Variants in PRMT7 observed in about 807,000 individuals in gnomAD.
The protein encoded by PRMT7 is protein arginine methyltransferase 7.
PRMT7 carries 75 observed loss-of-function variants against 85.4 expected under a neutral mutation model. That is an observed-to-expected ratio of 0.88 (90% CI 0.73 to 1.06). PRMT7 has a LOEUF of 1.06. Ranked by LOEUF, PRMT7 falls within the 50% of genes least tolerant of loss-of-function variation. The pLI is 0.00. For missense variants in PRMT7, 868 were observed against 915.2 expected (o/e 0.95, Z 0.67); for synonymous variants, 397 against 359.5 (o/e 1.10, Z -1.18).
intron 18 of PRMT7, 73 bp downstream of exon 18, chr16:68,356,870 C>A: frequency 6.9e-7 from 1 of 1,451,314 alleles, no homozygotes; most frequent in Non-Finnish European, 9.4e-7. Context: ...GGCCTCCCTG[C>A]CCCCATGCTC....
intron 18 of PRMT7, 77 bp from the exon 19 acceptor site, chr16:68,356,977 C>T (rs1004308573): frequency 1.3e-6 from 2 of 1,493,444 alleles, no homozygotes; most frequent in South Asian, 1.3e-5. Flanking sequence ...CTGCGAGCTG[C>T]CTGGGCTGGA....
At chr16:68,315,641 C>G in intron 2 of PRMT7, 1 of 307,766 alleles carries the variant, frequency 3.2e-6, no homozygotes, top group South Asian at 2.8e-5. Context: ...CTGAAGTTTC[C>G]AGACATCTGT....
chr16:68,316,184 A>G, intron 3 of PRMT7, 110 bp downstream of exon 3: 1 of 947,104 alleles, frequency 1.1e-6, no homozygotes, highest in Non-Finnish European at 1.7e-6. Context: ...AGTGCTTATG[A>G]TGAGGGCTGG....
At chr16:68,338,513 GGA>G (rs1333225429) in intron 7 of PRMT7, among the ~76,000 whole-genome samples, 1 of 152,078 alleles carries the variant, frequency 6.6e-6, no homozygotes, top group Non-Finnish European at 1.5e-5. Flanking sequence ...AGGTCACTGT[GGA>G]GAGTGTGGAG....
rs760854347 is a variant in PRMT7 at position 68,346,266 on chromosome 16, C to G, written c.1177C>G (p.Gln393Glu). 5 of 1,614,108 alleles carry G rather than the reference C, an allele frequency of 3.1e-6. No individual in the cohort carries two copies. The Admixed American group carries it at 8.3e-5, about 27-fold the overall frequency. ...NDQDRTDRYV[Q>E]ALRTVLKPDS... ...CCAGGACAGAACTGATCGATACGTCCAGGCTCTGAGGACCGTAAGTGTCCA... is the reference window on the plus strand; with the variant it reads ...CCAGGACAGAACTGATCGATACGTCGAGGCTCTGAGGACCGTAAGTGTCCA... The change falls in exon 11 of 19, where the codon CAG (glutamine) becomes GAG (glutamate). Residue 393 changes from glutamine (Q) to glutamate (E), a missense_variant. Gln to Glu is a conservative substitution (Grantham distance 29). Transcript: ENST00000441236.
At chr16:68,347,402 T>C (rs1375794596) in intron 12 of PRMT7, 108 bp downstream of exon 12, 1 of 1,213,452 alleles carries the variant, frequency 8.2e-7, no homozygotes, top group African/African-American at 1.5e-5. Flanking sequence ...AAGGCCACTG[T>C]TGTGGGCACA....
At chr16:68,319,435 C>T (rs1482504162) in intron 3 of PRMT7, among the ~76,000 whole-genome samples, 3 of 151,646 alleles carry the variant, frequency 2.0e-5, no homozygotes, top group Non-Finnish European at 4.4e-5. Flanking sequence ...TGGTGGTTAC[C>T]GAGAGTGATG....
Position 68,357,316 on chromosome 16 carries a change from CTG to C in PRMT7, c.*93_*94del, listed in dbSNP as rs143311332. 34 of 1,350,718 alleles carry C rather than the reference CTG, an allele frequency of 2.5e-5. No homozygotes were observed. The highest frequency in any genetic ancestry group is 3.2e-5 in the Non-Finnish European group (32 of 987,324). 83.7% of individuals were successfully genotyped at this position (1,350,718 alleles called of 1,614,324 possible). A position where few individuals can be genotyped will look rare whatever the true frequency, so the allele number is the denominator to read the frequency against. On this transcript the variant is annotated 3_prime_UTR_variant, in exon 19 of 19. Transcript: ENST00000441236. ...AAGGCTGAAGGCCCTCCTCTCCTCT[CTG>C]GGAGCTGCTCGGCCTCAGGGATGGG... is the stretch of plus-strand genomic sequence containing the variant.
At chr16:68,346,037 G>A (rs2086306675) in intron 10 of PRMT7, 108 bp from the exon 11 acceptor site, 3 of 1,513,822 alleles carry the variant, frequency 2.0e-6, no homozygotes, top group Admixed American at 1.8e-5. Flanking sequence ...GAATTAGCGG[G>A]TGCTCTAAGC....
intron 6 of PRMT7, among the ~76,000 whole-genome samples, chr16:68,330,431 G>T (rs922984839): frequency 6.6e-6 from 1 of 151,880 alleles, no homozygotes; most frequent in Non-Finnish European, 1.5e-5. Context: ...AAGTACCTGG[G>T]ACTACAGGTG....
intron 6 of PRMT7, among the ~76,000 whole-genome samples, chr16:68,336,364 C>G (rs2084693021): frequency 6.6e-6 from 1 of 152,102 alleles, no homozygotes; most frequent in Non-Finnish European, 1.5e-5. Context: ...CCTAAAACAA[C>G]TGTTATTTAA....
chr16:68,317,702 A>G (rs1465249711), intron 3 of PRMT7, among the ~76,000 whole-genome samples: 1 of 151,606 alleles, frequency 6.6e-6, no homozygotes, highest in African/African-American at 2.4e-5. Context: ...TGGCGCATGC[A>G]TGCCTGTAAT....
intron 2 of PRMT7, among the ~76,000 whole-genome samples, chr16:68,312,458 G>A (rs1157430209): frequency 6.6e-6 from 1 of 151,900 alleles, no homozygotes; most frequent in Non-Finnish European, 1.5e-5. Flanking sequence ...GGCTGGTCTG[G>A]AACTCCCAGA....
intron 3 of PRMT7, among the ~76,000 whole-genome samples, chr16:68,319,711 A>AGAGT (rs1555543581): frequency 1.1e-4 from 16 of 141,544 alleles, no homozygotes; most frequent in African/African-American, 2.4e-4. Context: ...TAAGAGTGAG[A>AGAGT]GTGTGTGTGT....
downstream of PRMT7, chr16:68,360,522 C>T (rs2089194663): frequency 6.5e-6 from 1 of 152,834 alleles, no homozygotes; most frequent in African/African-American, 2.4e-5. Flanking sequence ...CTTACAGACC[C>T]TGTGAAGTGA....
intron 5 of PRMT7, among the ~76,000 whole-genome samples, chr16:68,325,743 A>G (rs2083036229): frequency 6.7e-6 from 1 of 149,836 alleles, no homozygotes; most frequent in Non-Finnish European, 1.5e-5. Flanking sequence ...GTGAGCCGAG[A>G]TTGCGCCACT....
rs992786181 is a variant in PRMT7 at position 68,346,432 on chromosome 16, A to G, written c.1191+152A>G. 3.6e-6 allele frequency: 4 copies of G among 1,098,374 alleles called. No homozygotes were observed. In the African/African-American group the frequency reaches 6.3e-5, roughly 17 times the overall value. The allele number at this position is 1,098,374 out of a possible 1,614,324, so 68.0% of individuals were successfully genotyped here. On this transcript the variant is annotated intron_variant, in intron 11 of 18. Transcript: ENST00000441236. ...CGAGCGCCTCCTGGGTGGGCACTGG[A>G]GCAGAAAGCGGGAGAGCCTGGGGCT...
At chr16:68,314,116 G>C (rs2044358906) in intron 2 of PRMT7, among the ~76,000 whole-genome samples, 1 of 152,220 alleles carries the variant, frequency 6.6e-6, no homozygotes, top group Admixed American at 6.5e-5. Context: ...CATTAGACTA[G>C]GGGATAGGTA....
chr16:68,315,797 C>T (rs1218188189), intron 2 of PRMT7, 100 bp from the exon 3 acceptor site: 1 of 600,994 alleles, frequency 1.7e-6, no homozygotes, highest in African/African-American at 1.9e-5. Context: ...CCGCTTTTGT[C>T]TCCCCTTCCC....
Sources: gnomAD v4.1 joint callset for allele counts (sites outside exome capture counted in the v4.1 genomes callset) on GRCh38, gnomAD v4.1.1 for gene constraint, MANE v1.5 for transcripts, NCBI Gene and HGNC (gene_info 2026-07-23, HGNC 2026-07-21) for gene names.